Variants in ZDHHC21 observed in about 807,000 individuals in gnomAD.
ZDHHC21 encodes the protein palmitoyltransferase ZDHHC21.
ZDHHC21 carries 15 observed loss-of-function variants against 34.6 expected under a neutral mutation model. The observed-to-expected ratio is 0.43, with a 90% CI of 0.29 to 0.67. The LOEUF (loss-of-function observed/expected upper bound fraction) is 0.67, where lower values mean the gene tolerates loss of function less well. Ranked by LOEUF, ZDHHC21 falls within the 30% of genes least tolerant of loss-of-function variation. The pLI, the probability that ZDHHC21 is intolerant of heterozygous loss-of-function variation, is 0.14. For synonymous variants in ZDHHC21, 142 were observed against 101.8 expected, an observed-to-expected ratio of 1.40 and a Z score of -2.38; for missense variants, 344 against 327.7, an observed-to-expected ratio of 1.05 and a Z score of -0.38.
chr9:14,692,162 T>G (rs1231708167), intron 1 of ZDHHC21, among the ~76,000 whole-genome samples: 1 of 152,192 alleles, frequency 6.6e-6, no homozygotes, highest in Non-Finnish European at 1.5e-5. Context: ...CTCTCCGAAT[T>G]TTACCTTTAA....
chr9:14,674,541 T>C (rs1023224839), intron 3 of ZDHHC21, among the ~76,000 whole-genome samples, 156 bp from the exon 4 acceptor site: 2 of 152,068 alleles, frequency 1.3e-5, no homozygotes, highest in African/African-American at 2.4e-5. Flanking sequence ...TCTTTGTATA[T>C]ATATTTTTAC....
At chr9:14,672,978 T>C in intron 4 of ZDHHC21, 50 bp from the exon 5 acceptor site, 1 of 1,164,510 alleles carries the variant, frequency 8.6e-7, no homozygotes, top group Non-Finnish European at 1.2e-6. Flanking sequence ...TTCAAAACAT[T>C]TTATCAACAA....
chr9:14,626,983 T>C (rs1225161378), intron 8 of ZDHHC21, among the ~76,000 whole-genome samples: 1 of 152,032 alleles, frequency 6.6e-6, no homozygotes, highest in Non-Finnish European at 1.5e-5. Context: ...TATAGAAGTA[T>C]ATGTGAGCTG....
At chr9:14,628,560 T>C (rs1826718978) in intron 8 of ZDHHC21, among the ~76,000 whole-genome samples, 1 of 131,462 alleles carries the variant, frequency 7.6e-6, no homozygotes, top group African/African-American at 2.9e-5. Context: ...AAAATGCCTC[T>C]AGGATCTTTA....
At chr9:14,655,660 T>C (rs1328551473) in intron 7 of ZDHHC21, among the ~76,000 whole-genome samples, 2 of 151,730 alleles carry the variant, frequency 1.3e-5, no homozygotes, top group African/African-American at 4.8e-5. Context: ...TTTTCACTTT[T>C]GGGGAAACTA....
rs557386581 is a variant in ZDHHC21, at chr9:14,654,571, T to A, written c.504+4178A>T. Among the ~76,000 whole-genome samples, 4 of 151,960 alleles carry A rather than the reference T, an allele frequency of 2.6e-5. No individual in the cohort carries two copies. The East Asian group carries it at 7.7e-4, about 29-fold the overall frequency. On this transcript the variant is annotated intron_variant, in intron 7 of 9. Transcript: ENST00000380916. ...ACGGACCCACAAGGGGATCTCAAAG[T>A]TAAAGTTATCAAACACAGACATTAA...
At chr9:14,680,633 G>C (rs1166233552) in intron 2 of ZDHHC21, among the ~76,000 whole-genome samples, 2 of 151,984 alleles carry the variant, frequency 1.3e-5, no homozygotes, top group South Asian at 4.2e-4. Flanking sequence ...TACAATTCAA[G>C]CTTAAAAAAA....
In ZDHHC21 at chr9:14,615,458, A is replaced by G. The variant is rs1824003500; in HGVS notation, c.*3508T>C. 1 of 151,760 alleles carries G rather than the reference A, an allele frequency of 6.6e-6. No homozygotes were observed. The allele number at this position is 151,760 out of a possible 1,614,324, so 9.4% of individuals were successfully genotyped here. On this transcript the variant is annotated 3_prime_UTR_variant, in exon 10 of 10. Coordinates refer to ENST00000380916, the MANE Select transcript of ZDHHC21 (RefSeq NM_178566.6). ...AAAAATAAACCATGCTTTTTTTCTG[A>G]AAAAGTTAATATGTTAACTACAATT...
chr9:14,605,743 C>T, the ZDHHC21 span, among the ~76,000 whole-genome samples: 3 of 152,162 alleles, frequency 2.0e-5, no homozygotes, highest in African/African-American at 7.2e-5. Flanking sequence ...TTGGTGTTAT[C>T]TCCAAGAAGT....
chr9:14,687,135 G>T (rs1250677863), intron 2 of ZDHHC21, among the ~76,000 whole-genome samples: 1 of 150,812 alleles, frequency 6.6e-6, no homozygotes, highest in Non-Finnish European at 1.5e-5. Context: ...CTTGAGAGTG[G>T]CTTCCTAATG....
intron 8 of ZDHHC21, among the ~76,000 whole-genome samples, chr9:14,639,385 G>C (rs1482594048): frequency 6.6e-6 from 1 of 152,082 alleles, no homozygotes; most frequent in Non-Finnish European, 1.5e-5. Context: ...GGGGGACGAA[G>C]AGAGTGTGGT....
rs990001440 is a variant in ZDHHC21 at position 14,614,351 on chromosome 9, T to C, written c.*4615A>G. The C allele has an allele frequency of 3.3e-5, 5 of 151,800 alleles. No individual in the cohort carries two copies. The highest frequency in any genetic ancestry group is 7.4e-5 in the Non-Finnish European group (5 of 67,776). The allele number at this position is 151,800 out of a possible 1,614,324, so 9.4% of individuals were successfully genotyped here. A position where few individuals can be genotyped will look rare whatever the true frequency, so the allele number is the denominator to read the frequency against. The stretch of plus-strand genomic sequence containing the variant: ...TCTGTTTCAAATTAGCAGGCAGTAT[T>C]GTAACATCTGAAGAACTGACAAAGA... On this transcript the variant is annotated 3_prime_UTR_variant, in exon 10 of 10. Coordinates refer to ENST00000380916, the MANE Select transcript of ZDHHC21 (RefSeq NM_178566.6).
At chr9:14,683,768 A>G (rs1288340388) in intron 2 of ZDHHC21, 2 of 152,258 alleles carry the variant, frequency 1.3e-5, no homozygotes, top group Non-Finnish European at 2.9e-5. Context: ...TTTTAGACCA[A>G]TATCCCTGAT....
chr9:14,684,409 C>A (rs1167345012), intron 2 of ZDHHC21, among the ~76,000 whole-genome samples: 1 of 147,896 alleles, frequency 6.8e-6, no homozygotes, highest in South Asian at 2.2e-4. Context: ...ACACCAACAA[C>A]AGACAAACAG....
intron 7 of ZDHHC21, among the ~76,000 whole-genome samples, chr9:14,656,374 G>T (rs1832212534): frequency 6.6e-6 from 1 of 151,756 alleles, no homozygotes; most frequent in South Asian, 2.1e-4. Flanking sequence ...TTCTTACAAT[G>T]GGAAATACTG....
At chr9:14,632,488 A>G (rs1222464344) in intron 8 of ZDHHC21, among the ~76,000 whole-genome samples, 1 of 151,828 alleles carries the variant, frequency 6.6e-6, no homozygotes, top group Non-Finnish European at 1.5e-5. Context: ...CTAAAACAAT[A>G]AAACCCTTAG....
intron 8 of ZDHHC21, 63 bp from the exon 9 acceptor site, chr9:14,619,745 A>T (rs1824948420): frequency 2.1e-6 from 2 of 969,520 alleles, no homozygotes; most frequent in South Asian, 1.8e-5. Context: ...TTCTGTATCC[A>T]CTCTATCATG....
chr9:14,663,961 C>T (rs529774232), intron 5 of ZDHHC21, among the ~76,000 whole-genome samples: 22 of 152,282 alleles, frequency 1.4e-4, no homozygotes, highest in Non-Finnish European at 1.2e-4. Flanking sequence ...TAGCTCAATG[C>T]TCCCAAACAT....
chr9:14,685,625 C>A (rs1009905116), intron 2 of ZDHHC21, among the ~76,000 whole-genome samples: 44 of 152,288 alleles, frequency 2.9e-4, no homozygotes, highest in African/African-American at 1.0e-3. Flanking sequence ...ACTAGTTCAA[C>A]CATTGTGGAA....
Sources: allele counts gnomAD v4.1 joint callset (sites outside exome capture counted in the v4.1 genomes callset), GRCh38; gene constraint gnomAD v4.1.1; transcripts MANE v1.5; gene names NCBI Gene and HGNC (gene_info 2026-07-23, HGNC 2026-07-21).